DNM3: variants seen among roughly 807,000 people sequenced by gnomAD.
DNM3 encodes the protein dynamin 3.
DNM3 carries 47 observed loss-of-function variants against 101.6 expected under a neutral mutation model. That is an observed-to-expected ratio of 0.46 (90% CI 0.37 to 0.59). The LOEUF (loss-of-function observed/expected upper bound fraction) is 0.59. DNM3 is among the 20% of genes least tolerant of loss of function. The pLI is 0.00. For missense variants in DNM3, 849 were observed against 1,085.7 expected (o/e 0.78, Z 3.06); for synonymous variants, 385 against 387.9 (o/e 0.99, Z 0.09).
intron 11 of DNM3, among the ~76,000 whole-genome samples, chr1:172,072,930 G>A (rs143182379): frequency 1.6e-3 from 242 of 152,202 alleles, no homozygotes; most frequent in African/African-American, 5.5e-3. Context: ...TTCAAGCCTG[G>A]TAGATAGTTA....
Position 171,990,824 on chromosome 1 carries a change from G to A in DNM3, c.589+1676G>A, listed in dbSNP as rs149345746. Among the ~76,000 whole-genome samples, 590 of 152,224 alleles carry A rather than the reference G, an allele frequency of 3.9e-3. 1 individual carries two copies. Among genetic ancestry groups the A allele is most frequent in the African/African-American group, 8.2e-3 (340 of 41,528 alleles). On this transcript the variant is annotated intron_variant, in intron 4 of 20. Transcript: ENST00000627582. Reference sequence around the variant, plus strand: ...TCCACCATCCCTGAAACTGGGGCTTGTAACAAGCAGGTAGAGGCTCCAGAT... The same window carrying A: ...TCCACCATCCCTGAAACTGGGGCTTATAACAAGCAGGTAGAGGCTCCAGAT...
chr1:172,358,569 C>G (rs1490770670), intron 17 of DNM3, among the ~76,000 whole-genome samples: 1 of 152,014 alleles, frequency 6.6e-6, no homozygotes, highest in African/African-American at 2.4e-5. Flanking sequence ...CTACAAGACT[C>G]TCAGTCAGCT....
intron 1 of DNM3, among the ~76,000 whole-genome samples, chr1:171,915,836 C>G (rs913914966): frequency 6.6e-6 from 1 of 152,140 alleles, no homozygotes; most frequent in Non-Finnish European, 1.5e-5. Context: ...GGCTACCTCT[C>G]TGGTAGCTCG....
chr1:172,237,270 G>C (rs369953489), intron 14 of DNM3, among the ~76,000 whole-genome samples: 1 of 149,944 alleles, frequency 6.7e-6, no homozygotes, highest in Non-Finnish European at 1.5e-5. Context: ...TTTCTTTTTT[G>C]AACTTAAGGA....
chr1:172,297,648 T>G (rs1293654603), intron 15 of DNM3, among the ~76,000 whole-genome samples: 1 of 152,180 alleles, frequency 6.6e-6, no homozygotes, highest in Non-Finnish European at 1.5e-5. Context: ...CCTTTGCTCC[T>G]TTGGATATGA....
intron 10 of DNM3, among the ~76,000 whole-genome samples, chr1:172,051,215 T>C (rs895339215): frequency 6.6e-6 from 1 of 152,198 alleles, no homozygotes; most frequent in African/African-American, 2.4e-5. Context: ...TTTTTCCTTT[T>C]GTGGCTTCCA....
chr1:172,261,386 C>G (rs1251735602), intron 15 of DNM3, among the ~76,000 whole-genome samples: 1 of 152,050 alleles, frequency 6.6e-6, no homozygotes, highest in Admixed American at 6.5e-5. Context: ...CATTTGTAGA[C>G]AGCATCAGTG....
At chr1:171,871,331 A>C (rs575202220) in intron 1 of DNM3, among the ~76,000 whole-genome samples, 1 of 152,212 alleles carries the variant, frequency 6.6e-6, no homozygotes, top group Non-Finnish European at 1.5e-5. Context: ...AAAGTTCCCA[A>C]CAAAACAAAG....
chr1:172,063,367 A>G lies in DNM3; in HGVS notation c.1336-5452A>G, dbSNP rs549166210. On this transcript the variant is annotated intron_variant, in intron 10 of 20. Coordinates refer to ENST00000627582, the MANE Select transcript of DNM3 (RefSeq NM_015569.5). ...TTTTGTTGGATAGAAATGTCTCCCA[A>G]GTGTTTTTTTTTTTCTCTAGGAAAA... Among the ~76,000 whole-genome samples the G allele has an allele frequency of 4.1e-5, 6 of 147,194 alleles. No individual in the cohort carries two copies. The South Asian group carries it at 1.3e-3, about 31-fold the overall frequency.
chr1:172,052,811 A>G (rs1367180717), intron 10 of DNM3, among the ~76,000 whole-genome samples: 9 of 152,138 alleles, frequency 5.9e-5, no homozygotes, highest in African/African-American at 2.4e-5. Context: ...TCTCCTTGAC[A>G]GATCATGTCT....
intron 2 of DNM3, among the ~76,000 whole-genome samples, chr1:171,980,649 C>T (rs2044720422): frequency 6.6e-6 from 1 of 152,056 alleles, no homozygotes. Flanking sequence ...CTATTCTACT[C>T]TCTAATTCTA....
chr1:172,339,457 T>C (rs115501018), intron 17 of DNM3, among the ~76,000 whole-genome samples: 2,090 of 152,338 alleles, frequency 0.014, 65 homozygotes, highest in African/African-American at 0.048. Context: ...GTCACCTGTT[T>C]GGGAACCAAG....
At chr1:172,004,616 T>C (rs1462186484) in intron 4 of DNM3, among the ~76,000 whole-genome samples, 3 of 151,978 alleles carry the variant, frequency 2.0e-5, no homozygotes, top group African/African-American at 7.2e-5. Flanking sequence ...CGATGTCAGG[T>C]TCCAAAGCAA....
intron 17 of DNM3, among the ~76,000 whole-genome samples, chr1:172,368,555 C>T (rs2068150307): frequency 1.3e-5 from 2 of 151,746 alleles, no homozygotes; most frequent in Admixed American, 6.6e-5. Flanking sequence ...CTTAATGATG[C>T]ACTTCAGGGA....
At chr1:171,920,105 T>C (rs975213067) in intron 1 of DNM3, among the ~76,000 whole-genome samples, 1 of 152,236 alleles carries the variant, frequency 6.6e-6, no homozygotes, top group Non-Finnish European at 1.5e-5. Flanking sequence ...TGTTCAGTAC[T>C]ATTTCCTCTG....
chr1:172,407,662 G>T, intron 20 of DNM3, 110 bp from the exon 21 acceptor site: 1 of 1,031,186 alleles, frequency 9.7e-7, no homozygotes, highest in Non-Finnish European at 1.5e-6. Flanking sequence ...ACTTCTGCTG[G>T]CCTGTATGTG....
At chr1:171,922,173 A>G (rs1397407950) in intron 2 of DNM3, among the ~76,000 whole-genome samples, 1 of 151,514 alleles carries the variant, frequency 6.6e-6, no homozygotes, top group African/African-American at 2.4e-5. Flanking sequence ...GTGCATGCAC[A>G]TGCACTTGGG....
chr1:172,210,025 T>C (rs1270585832), intron 14 of DNM3, among the ~76,000 whole-genome samples: 3 of 152,102 alleles, frequency 2.0e-5, no homozygotes, highest in African/African-American at 7.2e-5. Flanking sequence ...CCAAACACCA[T>C]TCTAACCTCA....
chr1:171,953,899 G>T (rs1286538232), intron 2 of DNM3, among the ~76,000 whole-genome samples: 1 of 152,170 alleles, frequency 6.6e-6, no homozygotes, highest in Non-Finnish European at 1.5e-5. Context: ...TTGTAGGAAA[G>T]TATGGGATGT....
Sources: allele counts gnomAD v4.1 joint callset (sites outside exome capture counted in the v4.1 genomes callset), GRCh38; gene constraint gnomAD v4.1.1; transcripts MANE v1.5; gene names NCBI Gene and HGNC (gene_info 2026-07-23, HGNC 2026-07-21).